PTPRM: variants seen among roughly 807,000 people sequenced by gnomAD.
The protein encoded by PTPRM is protein tyrosine phosphatase receptor type M.
PTPRM carries 47 observed loss-of-function variants against 186.7 expected under a neutral mutation model. The ratio of observed to expected loss-of-function variants is 0.25; its 90% CI spans 0.20 to 0.32. The LOEUF is 0.32. Ranked by LOEUF, PTPRM falls within the 10% of genes least tolerant of loss-of-function variation. The pLI is 1.00. For missense variants in PTPRM, 1,494 were observed against 1,865.0 expected (o/e 0.80, Z 3.66); for synonymous variants, 668 against 674.9 (o/e 0.99, Z 0.16).
At chr18:8,238,659 T>TTTTG (rs1568578161) in intron 14 of PTPRM, among the ~76,000 whole-genome samples, 10 of 133,850 alleles carry the variant, frequency 7.5e-5, no homozygotes, top group African/African-American at 2.8e-4. Flanking sequence ...GTGTTTTTTT[T>TTTTG]TTTTTTTTTT....
chr18:7,762,499 A>G (rs972254630), intron 1 of PTPRM, among the ~76,000 whole-genome samples: 1 of 152,214 alleles, frequency 6.6e-6, no homozygotes, highest in Admixed American at 6.5e-5. Flanking sequence ...CGGGGGTTGA[A>G]TCAGAAAAAC....
chr18:8,189,321 G>C (rs890511548), intron 14 of PTPRM, among the ~76,000 whole-genome samples: 3 of 150,310 alleles, frequency 2.0e-5, no homozygotes, highest in African/African-American at 7.4e-5. Flanking sequence ...AGGGTTGAAA[G>C]GTAAATGAAG....
chr18:8,071,580 C>T (rs1326461927), intron 8 of PTPRM, among the ~76,000 whole-genome samples: 1 of 152,174 alleles, frequency 6.6e-6, no homozygotes, highest in African/African-American at 2.4e-5. Context: ...CTTCTGTATT[C>T]TTGGCTCATA....
intron 31 of PTPRM, among the ~76,000 whole-genome samples, chr18:8,389,567 T>C (rs769638841): frequency 2.8e-4 from 42 of 152,208 alleles, no homozygotes; most frequent in Non-Finnish European, 7.3e-5. Context: ...TTCTTTGGAA[T>C]ACTCCCCCCT....
intron 31 of PTPRM, among the ~76,000 whole-genome samples, chr18:8,387,737 T>TGTGTGTGTGTGCGTGTGTGC (rs1568886493): frequency 2.4e-5 from 2 of 84,978 alleles, no homozygotes; most frequent in African/African-American, 9.2e-5. Context: ...GGACCTGGAG[T>TGTGTGTGTGTGCGTGTGTGC]GTGTGTGTGT....
At chr18:7,976,199 A>G (rs1042232794) in intron 7 of PTPRM, among the ~76,000 whole-genome samples, 8 of 152,108 alleles carry the variant, frequency 5.3e-5, no homozygotes, top group African/African-American at 1.9e-4. Flanking sequence ...TGAAAAAAAG[A>G]ACGTTTCTCT....
At chr18:8,073,960 A>T (rs1568296770) in intron 8 of PTPRM, among the ~76,000 whole-genome samples, 2 of 152,166 alleles carry the variant, frequency 1.3e-5, no homozygotes, top group Non-Finnish European at 1.5e-5. Flanking sequence ...GGCAAATGTG[A>T]CCTAAAGAGG....
intron 14 of PTPRM, among the ~76,000 whole-genome samples, chr18:8,233,214 A>G (rs2094307979): frequency 6.6e-6 from 1 of 152,252 alleles, no homozygotes; most frequent in Non-Finnish European, 1.5e-5. Context: ...TGCTGGGATT[A>G]CAGGCGTAAG....
chr18:8,057,359 C>T (rs1338527539), intron 7 of PTPRM, among the ~76,000 whole-genome samples: 1 of 149,926 alleles, frequency 6.7e-6, no homozygotes, highest in Admixed American at 6.6e-5. Context: ...CCCTAAACAC[C>T]AACAAAAAAT....
chr18:8,403,088 G>A (rs1021677502), intron 32 of PTPRM: 3 of 152,228 alleles, frequency 2.0e-5, no homozygotes, highest in African/African-American at 7.2e-5. Context: ...GAATGGATTG[G>A]CCAAGATGTC....
At chr18:7,800,031 GA>G (rs2043871961) in intron 2 of PTPRM, among the ~76,000 whole-genome samples, 1 of 152,100 alleles carries the variant, frequency 6.6e-6, no homozygotes, top group South Asian at 2.1e-4. Context: ...AGTATTGTGG[GA>G]TATTTGGATT....
chr18:8,385,780 C>A (rs1264397657), intron 30 of PTPRM, among the ~76,000 whole-genome samples: 7 of 152,196 alleles, frequency 4.6e-5, no homozygotes, highest in Non-Finnish European at 8.8e-5. Context: ...GTGTAATTTA[C>A]ATTTTAAAAG....
At chr18:7,664,168 G>GTA (rs1224237844) in intron 1 of PTPRM, among the ~76,000 whole-genome samples, 1 of 152,226 alleles carries the variant, frequency 6.6e-6, no homozygotes, top group African/African-American at 2.4e-5. Flanking sequence ...AGGCATGTGT[G>GTA]TACCCAGCCC....
At chr18:8,166,478 T>G (rs1004652423) in intron 14 of PTPRM, among the ~76,000 whole-genome samples, 1 of 152,194 alleles carries the variant, frequency 6.6e-6, no homozygotes. Context: ...CAAACAAGTT[T>G]ATTAACCAGC....
chr18:8,306,396 C>A (rs1439846955), intron 20 of PTPRM, among the ~76,000 whole-genome samples: 1 of 152,212 alleles, frequency 6.6e-6, no homozygotes, highest in Admixed American at 6.5e-5. Context: ...TGGTCTTGGA[C>A]ACCAAAGCCC....
intron 9 of PTPRM, among the ~76,000 whole-genome samples, chr18:8,083,887 T>G (rs984228102): frequency 6.6e-6 from 1 of 152,168 alleles, no homozygotes; most frequent in African/African-American, 2.4e-5. Context: ...GAAAGGAATA[T>G]AATGGTGTAG....
At chr18:8,049,790 C>T (rs2087341220) in intron 7 of PTPRM, among the ~76,000 whole-genome samples, 2 of 151,496 alleles carry the variant, frequency 1.3e-5, no homozygotes, top group South Asian at 2.1e-4. Flanking sequence ...CAGCTCACTG[C>T]AACCCCCGCC....
chr18:8,386,963 A>G, intron 30 of PTPRM, 109 bp from the exon 31 acceptor site: 1 of 1,156,030 alleles, frequency 8.7e-7, no homozygotes, highest in South Asian at 1.5e-5. Flanking sequence ...TGTAGGCAGG[A>G]CTCGCCTTTA....
intron 1 of PTPRM, among the ~76,000 whole-genome samples, chr18:7,750,010 C>G (rs186037371): frequency 6.6e-6 from 1 of 152,172 alleles, no homozygotes; most frequent in Non-Finnish European, 1.5e-5. Flanking sequence ...TTTTGACTCC[C>G]TAAGCAAAGG....
Sources: allele counts gnomAD v4.1 joint callset (sites outside exome capture counted in the v4.1 genomes callset), GRCh38; gene constraint gnomAD v4.1.1; transcripts MANE v1.5; gene names NCBI Gene and HGNC (gene_info 2026-07-23, HGNC 2026-07-21).